CDHR3: variants seen among roughly 807,000 people sequenced by gnomAD.
CDHR3 encodes cadherin related family member 3.
CDHR3 carries 79 observed loss-of-function variants against 86.6 expected under a neutral mutation model. The observed-to-expected ratio is 0.91, with a 90% CI of 0.76 to 1.10. The LOEUF is 1.10. Among genes scored for constraint, CDHR3 ranks in the 50% least tolerant of loss-of-function variants. CDHR3 has a pLI of 0.00. For missense variants in CDHR3, 1,081 were observed against 1,077.6 expected, an observed-to-expected ratio of 1.00 and a Z score of -0.04; for synonymous variants, 421 against 402.4, an observed-to-expected ratio of 1.05 and a Z score of -0.55.
At position 106,033,453 on chromosome 7, in the gene CDHR3, T is replaced by C. The variant is rs779231166; in HGVS notation, c.*756T>C. The C allele has an allele frequency of 1.3e-5, 2 of 152,194 alleles. No individual in the cohort carries two copies. Among genetic ancestry groups the C allele is most frequent in the Non-Finnish European group, 2.9e-5 (2 of 68,044 alleles). 9.4% of individuals were successfully genotyped at this position (152,194 alleles called of 1,614,324 possible). A position where few individuals can be genotyped will look rare whatever the true frequency, so the allele number is the denominator to read the frequency against. On this transcript the variant is annotated 3_prime_UTR_variant, in exon 19 of 19. Coordinates refer to ENST00000317716, the MANE Select transcript of CDHR3 (RefSeq NM_152750.5). ...TACTTTTAAAAAATATACTTAAAAGTGAACTACAGGCAGGGCATGATGGCT... is the reference window on the plus strand; with the variant it reads ...TACTTTTAAAAAATATACTTAAAAGCGAACTACAGGCAGGGCATGATGGCT...
intron 6 of CDHR3, among the ~76,000 whole-genome samples, chr7:105,998,530 G>T (rs1011589262): frequency 6.6e-6 from 1 of 152,072 alleles, no homozygotes; most frequent in Non-Finnish European, 1.5e-5. Flanking sequence ...AGTGGCTCAC[G>T]CCTGTAATCC....
chr7:105,972,716 T>G (rs1359571961), intron 1 of CDHR3, among the ~76,000 whole-genome samples: 1 of 152,250 alleles, frequency 6.6e-6, no homozygotes, highest in Non-Finnish European at 1.5e-5. Flanking sequence ...AAGAATGCTA[T>G]AATATCAAAG....
chr7:106,030,809 C>CTAA lies in CDHR3; in HGVS notation c.2322_2323insTAA (p.Asn774_Thr775insTer). ...CTCCTTAGGAAACTATCCAGATGAA[C>CTAA]ACTATCTTTGATGGAGAAGCCATAG... On this transcript the variant is annotated stop_gained and inframe_insertion, in exon 18 of 19. Transcript: ENST00000317716. LOFTEE classifies it high-confidence loss of function. The surrounding 1 kb of genome is among the most constrained non-coding windows in gnomAD (Gnocchi z 4.8). 6.2e-7 allele frequency: 1 copy of CTAA among 1,611,638 alleles called. No homozygotes were observed. Among genetic ancestry groups the CTAA allele is most frequent in the Non-Finnish European group, 8.5e-7 (1 of 1,178,980 alleles).
intron 18 of CDHR3, 54 bp from the exon 19 acceptor site, chr7:106,032,339 G>A (rs1838502893): frequency 1.8e-5 from 27 of 1,508,368 alleles, no homozygotes; most frequent in African/African-American, 2.7e-5. Flanking sequence ...TGGGGGAAGA[G>A]ACAGTCATTG....
chr7:105,981,068 A>C lies in CDHR3; in HGVS notation c.350A>C (p.Gln117Pro). ...GATGAGGTTGGTGTCACAGACCTGC[A>C]AGTCCTGACTGTCCAGGTAACAGAT... is the stretch of plus-strand genomic sequence containing the variant. ...VKDEVGVTDL[Q>P]VLTVQVTDVN... The change falls in exon 3 of 19, where the codon CAA (glutamine) becomes CCA (proline). Residue 117 changes from glutamine (Q) to proline (P), a missense_variant. Physicochemically the swap from Gln to Pro is moderately conservative, Grantham distance 76. Transcript: ENST00000317716. 1 of 1,613,606 alleles carries C rather than the reference A, an allele frequency of 6.2e-7. No homozygotes were observed.
intron 1 of CDHR3, among the ~76,000 whole-genome samples, chr7:105,964,602 T>C (rs1200112205): frequency 1.3e-5 from 2 of 151,982 alleles, no homozygotes; most frequent in African/African-American, 4.8e-5. Context: ...GTGGCTTTTA[T>C]TCTTATTAAT....
chr7:106,004,558 A>G lies in CDHR3; in HGVS notation c.923A>G (p.Asn308Ser), dbSNP rs776034966. 2 of 1,614,000 alleles carry G rather than the reference A, an allele frequency of 1.2e-6. No homozygotes were observed. Among genetic ancestry groups the G allele is most frequent in the Admixed American group, 3.3e-5 (2 of 60,026 alleles). Residue 308 changes from asparagine (N) to serine (S), a missense_variant, in exon 8 of 19, where the codon AAT becomes AGT. Transcript: ENST00000317716. ...CGAGATGCAGGTGAATTGAGACAAAATCCCACCATTTCCCTGGAAGTTCTA... is the reference window on the plus strand; with the variant it reads ...CGAGATGCAGGTGAATTGAGACAAAGTCCCACCATTTCCCTGGAAGTTCTA... ...IDRDAGELRQ[N>S]PTISLEVLVK...
At chr7:105,984,491 C>G (rs1447976137) in intron 4 of CDHR3, among the ~76,000 whole-genome samples, 9 of 152,228 alleles carry the variant, frequency 5.9e-5, no homozygotes, top group Admixed American at 4.6e-4. Flanking sequence ...ATTTGTGGCT[C>G]TGTGTGATCT....
At chr7:106,009,609 C>A (rs1379977962) in intron 8 of CDHR3, among the ~76,000 whole-genome samples, 1 of 152,198 alleles carries the variant, frequency 6.6e-6, no homozygotes, top group Non-Finnish European at 1.5e-5. Context: ...CTGCTGGAGG[C>A]GGTGTGCTGT....
intron 4 of CDHR3, among the ~76,000 whole-genome samples, chr7:105,993,329 C>T (rs1831649694): frequency 6.6e-6 from 1 of 152,042 alleles, no homozygotes; most frequent in Non-Finnish European, 1.5e-5. Context: ...TCACATCAGC[C>T]CTAAGTTATA....
chr7:105,975,124 C>A, intron 2 of CDHR3, 78 bp downstream of exon 2: 2 of 1,189,432 alleles, frequency 1.7e-6, no homozygotes, highest in South Asian at 1.2e-5. Flanking sequence ...GATGCCAGAT[C>A]AGTGATTAAT....
In CDHR3 at chr7:106,004,592, C is replaced by A. The variant is rs752116349; in HGVS notation, c.957C>A (p.Asp319Glu). 1 of 1,614,018 alleles carries A rather than the reference C, an allele frequency of 6.2e-7. No individual in the cohort carries two copies. Reference protein sequence around the residue: ...PTISLEVLVKDRPYGGQENRI... With the variant: ...PTISLEVLVKERPYGGQENRI... ...TTTCCCTGGAAGTTCTAGTGAAGGA[C>A]AGACCATATGGGGGTCAGGAGAATC... Residue 319 changes from aspartate (D) to glutamate (E), a missense_variant, in exon 8 of 19, where the codon GAC becomes GAA. Coordinates refer to ENST00000317716, the MANE Select transcript of CDHR3 (RefSeq NM_152750.5).
intron 14 of CDHR3, 70 bp downstream of exon 14, chr7:106,022,518 CG>C: frequency 6.4e-7 from 1 of 1,565,288 alleles, no homozygotes; most frequent in Non-Finnish European, 8.7e-7. Flanking sequence ...CTTCTTTCCC[CG>C]GCCTGGAGGT....
At chr7:106,005,994 G>T (rs1259258924) in intron 8 of CDHR3, among the ~76,000 whole-genome samples, 2 of 152,134 alleles carry the variant, frequency 1.3e-5, no homozygotes, top group Non-Finnish European at 1.5e-5. Flanking sequence ...AAAGAAAGAG[G>T]TTTAATTGGA....
Position 106,035,573 on chromosome 7 carries a change from T to C in CDHR3, c.*2876T>C, listed in dbSNP as rs1206205143. 6.6e-6 allele frequency among the ~76,000 whole-genome samples: 1 copy of C among 152,092 alleles called. No homozygotes were observed. Among genetic ancestry groups the C allele is most frequent in the African/African-American group, 2.4e-5 (1 of 41,402 alleles). ...GAAAACCAAAGTACACTCCACAGTG[T>C]GGGAACGGGCCTGAGCAAGTGACTC... On this transcript the variant is annotated 3_prime_UTR_variant, in exon 19 of 19. Transcript: ENST00000317716.
chr7:105,969,305 A>G (rs1180981526), intron 1 of CDHR3, among the ~76,000 whole-genome samples: 1 of 142,964 alleles, frequency 7.0e-6, no homozygotes, highest in Non-Finnish European at 1.5e-5. Context: ...AGGCTGAGGC[A>G]GGAGAATGGC....
chr7:106,031,102 A>G (rs944624828), intron 18 of CDHR3, among the ~76,000 whole-genome samples: 2 of 152,226 alleles, frequency 1.3e-5, no homozygotes, highest in African/African-American at 4.8e-5. Flanking sequence ...TTCAAGGGCC[A>G]TGCCTCTTTC....
At position 106,022,364 on chromosome 7, in the gene CDHR3, G is replaced by A. The variant is rs761606823; in HGVS notation, c.1992G>A (p.Ala664=). Residue 664 remains alanine (A), a synonymous_variant, in exon 14 of 19, where the codon GCG becomes GCA. Transcript: ENST00000317716. ...DDNLMSDRKK[A]EALVETGTVT... is the part of the protein sequence containing the mutation. ...ACTTGATGTCTGACAGGAAGAAAGCGGAGGCTCTTGTTGAGACAGGAACAG... is the reference window on the plus strand; with the variant it reads ...ACTTGATGTCTGACAGGAAGAAAGCAGAGGCTCTTGTTGAGACAGGAACAG... 46 of 1,614,004 alleles carry A rather than the reference G, an allele frequency of 2.9e-5. No individual in the cohort carries two copies. Among genetic ancestry groups the A allele is most frequent in the South Asian group, 5.5e-5 (5 of 91,086 alleles).
At chr7:105,999,225 C>T (rs927951945) in intron 6 of CDHR3, among the ~76,000 whole-genome samples, 2 of 152,206 alleles carry the variant, frequency 1.3e-5, no homozygotes, top group African/African-American at 4.8e-5. Context: ...TTTATACATA[C>T]CTGTATCTTG....
Sources: allele counts gnomAD v4.1 joint callset (sites outside exome capture counted in the v4.1 genomes callset), GRCh38; gene constraint gnomAD v4.1.1; non-coding constraint Gnocchi (gnomAD v3.1); transcripts MANE v1.5; gene names NCBI Gene and HGNC (gene_info 2026-07-23, HGNC 2026-07-21).